RELN: variants seen among roughly 807,000 people sequenced by gnomAD.
RELN encodes the protein reelin.
A neutral mutation model predicts 427.6 loss-of-function variants in RELN; 108 were observed. That is an observed-to-expected ratio of 0.25 (90% CI 0.22 to 0.30). The LOEUF (loss-of-function observed/expected upper bound fraction) is 0.30, where lower values mean the gene tolerates loss of function less well. RELN is among the 10% of genes least tolerant of loss of function. The probability of loss-of-function intolerance (pLI) is 1.00; values close to 1 mark genes in which losing one functional copy is unlikely to be tolerated. For missense variants in RELN, 3,715 were observed against 4,302.8 expected (o/e 0.86, Z 3.82); for synonymous variants, 1,524 against 1,513.4 (o/e 1.01, Z -0.16).
rs1443473835 is a variant in RELN at position 103,523,506 on chromosome 7, G to A, written c.7375C>T (p.His2459Tyr). The change falls in exon 47 of 65, where the codon CAT becomes TAT. Residue 2459 changes from histidine to tyrosine, a missense_variant. Physicochemically the swap from His to Tyr is moderately conservative, Grantham distance 83. Transcript: ENST00000428762. The part of the protein sequence containing the change: ...TRSQATRFRW[H>Y]QPAPFDKQQT... Reference sequence around the variant, plus strand: ...TGCTTGTCAAAAGGAGCTGGTTGATGCCAACGGAAACGAGTGGCTTGGGAC... The same window carrying A: ...TGCTTGTCAAAAGGAGCTGGTTGATACCAACGGAAACGAGTGGCTTGGGAC... 2 of 1,613,918 alleles carry A rather than the reference G, an allele frequency of 1.2e-6. No individual in the cohort carries two copies. The highest frequency in any genetic ancestry group is 1.7e-5 in the Admixed American group (1 of 59,972).
At chr7:103,970,488 T>C (rs1304326364) in intron 1 of RELN, among the ~76,000 whole-genome samples, 1 of 152,174 alleles carries the variant, frequency 6.6e-6, no homozygotes, top group Non-Finnish European at 1.5e-5. Context: ...TTTTCTTTTT[T>C]TTTCTTTTTG....
At chr7:103,766,224 A>G (rs1164970783) in intron 4 of RELN, among the ~76,000 whole-genome samples, 2 of 152,224 alleles carry the variant, frequency 1.3e-5, no homozygotes, top group Non-Finnish European at 2.9e-5. Flanking sequence ...GATGTCATGA[A>G]CAGGAGCTGT....
chr7:103,860,015 C>A (rs1356209431), intron 2 of RELN, among the ~76,000 whole-genome samples: 1 of 152,244 alleles, frequency 6.6e-6, no homozygotes, highest in South Asian at 2.1e-4. Flanking sequence ...AAGCTCTATC[C>A]TCTAAAGGCA....
intron 43 of RELN, among the ~76,000 whole-genome samples, chr7:103,541,497 A>G (rs1008982544): frequency 1.3e-5 from 2 of 152,246 alleles, no homozygotes; most frequent in Middle Eastern, 3.2e-3. Context: ...GGGATTTTAC[A>G]TGGAGCATAT....
intron 57 of RELN, among the ~76,000 whole-genome samples, chr7:103,494,541 A>ATTT (rs35989965): frequency 7.9e-6 from 1 of 126,196 alleles, no homozygotes; most frequent in East Asian, 2.2e-4. Flanking sequence ...CGCCCAGCTA[A>ATTT]TTTTTTTTTT....
intron 3 of RELN, among the ~76,000 whole-genome samples, chr7:103,795,235 T>A (rs1792272132): frequency 6.6e-6 from 1 of 152,210 alleles, no homozygotes; most frequent in Non-Finnish European, 1.5e-5. Context: ...GATATCTATA[T>A]AAATGGTCCT....
Position 103,774,153 on chromosome 7 carries a change from C to T in RELN, c.544+2404G>A, listed in dbSNP as rs191680101. ...TCTACTAAAAATACAAAAAATTAGC[C>T]GGGTGCAGTGGCACACACCTGTAAT... On this transcript the variant is annotated intron_variant, in intron 4 of 64. Coordinates refer to ENST00000428762, the MANE Select transcript of RELN (RefSeq NM_005045.4). Among the ~76,000 whole-genome samples the T allele has an allele frequency of 2.6e-3, 400 of 151,886 alleles. 1 individual carries two copies. The highest frequency in any genetic ancestry group is 9.2e-3 in the African/African-American group (382 of 41,410).
intron 63 of RELN, among the ~76,000 whole-genome samples, chr7:103,479,231 A>G (rs1183021147): frequency 6.6e-6 from 1 of 152,236 alleles, no homozygotes; most frequent in Non-Finnish European, 1.5e-5. Context: ...AAAATGGTTA[A>G]GACAACAAAT....
At chr7:103,895,104 C>T (rs886727090) in intron 2 of RELN, among the ~76,000 whole-genome samples, 7 of 152,098 alleles carry the variant, frequency 4.6e-5, no homozygotes, top group African/African-American at 1.4e-4. Flanking sequence ...ACGACTATTA[C>T]ATGGATATTT....
intron 6 of RELN, among the ~76,000 whole-genome samples, chr7:103,740,881 A>AT (rs145046396): frequency 0.032 from 4,845 of 152,294 alleles, 262 homozygotes; most frequent in African/African-American, 0.11. Flanking sequence ...ATATGCTCTT[A>AT]TAAGTAGCAC....
At chr7:103,946,656 C>T (rs1265333534) in intron 1 of RELN, among the ~76,000 whole-genome samples, 1 of 152,140 alleles carries the variant, frequency 6.6e-6, no homozygotes, top group African/African-American at 2.4e-5. Flanking sequence ...TTTACTATGT[C>T]TCTTACAACT....
intron 1 of RELN, among the ~76,000 whole-genome samples, chr7:103,924,397 G>A (rs1016782947): frequency 1.3e-5 from 2 of 151,964 alleles, no homozygotes; most frequent in African/African-American, 4.8e-5. Context: ...AAAGGACTAA[G>A]CTTAAGATCA....
At chr7:103,618,022 C>T (rs1431452913) in intron 20 of RELN, among the ~76,000 whole-genome samples, 6 of 152,234 alleles carry the variant, frequency 3.9e-5, no homozygotes, top group Middle Eastern at 3.4e-3. Context: ...AGGCAAATGT[C>T]GGCACTGTAC....
intron 4 of RELN, among the ~76,000 whole-genome samples, chr7:103,754,532 G>A (rs546589617): frequency 6.6e-6 from 1 of 152,196 alleles, no homozygotes; most frequent in African/African-American, 2.4e-5. Flanking sequence ...CAGCACTTTG[G>A]GAGACTGAGG....
At chr7:103,740,989 T>A (rs1406915960) in intron 6 of RELN, among the ~76,000 whole-genome samples, 1 of 152,208 alleles carries the variant, frequency 6.6e-6, no homozygotes, top group East Asian at 1.9e-4. Flanking sequence ...TCTGGTGGTG[T>A]GTGGCAGTGG....
intron 1 of RELN, among the ~76,000 whole-genome samples, chr7:103,952,843 A>T (rs964242026): frequency 9.2e-5 from 14 of 152,236 alleles, no homozygotes; most frequent in Non-Finnish European, 1.2e-4. Context: ...ACAGAGGATG[A>T]AAAAATATTT....
intron 3 of RELN, among the ~76,000 whole-genome samples, chr7:103,832,584 G>A (rs1362707673): frequency 6.6e-6 from 1 of 152,150 alleles, no homozygotes; most frequent in Non-Finnish European, 1.5e-5. Context: ...CCCTGAATAA[G>A]AAGGATGAGG....
intron 29 of RELN, 40 bp from the exon 30 acceptor site, chr7:103,574,339 A>G: frequency 6.4e-7 from 1 of 1,561,310 alleles, no homozygotes; most frequent in Non-Finnish European, 8.8e-7. Context: ...GCTTTGTTGG[A>G]ATCATTCAAA....
chr7:103,773,241 G>GTCTCTC (rs146200837), intron 4 of RELN, among the ~76,000 whole-genome samples: 1 of 65,696 alleles, frequency 1.5e-5, no homozygotes, highest in African/African-American at 6.0e-5. Context: ...CTCCCTCCCT[G>GTCTCTC]TCTCTCTCTC....
Sources: gnomAD v4.1 joint callset for allele counts (sites outside exome capture counted in the v4.1 genomes callset) on GRCh38, gnomAD v4.1.1 for gene constraint, MANE v1.5 for transcripts, NCBI Gene and HGNC (gene_info 2026-07-23, HGNC 2026-07-21) for gene names.